Variants in CCDC180 observed in about 807,000 individuals in gnomAD.
CCDC180 encodes coiled-coil domain-containing protein 180.
A neutral mutation model predicts 209.2 loss-of-function variants in CCDC180; 154 were observed. The observed-to-expected ratio is 0.74, with a 90% CI of 0.65 to 0.84. The LOEUF (loss-of-function observed/expected upper bound fraction) is 0.84. Ranked by LOEUF, CCDC180 falls within the 40% of genes least tolerant of loss-of-function variation. The pLI, the probability that CCDC180 is intolerant of heterozygous loss-of-function variation, is 0.00. For missense variants in CCDC180, 1,874 were observed against 1,997.3 expected (o/e 0.94, Z 1.18); for synonymous variants, 778 against 749.1 (o/e 1.04, Z -0.63).
chr9:97,357,592 C>A, intron 24 of CCDC180, 35 bp from the exon 25 acceptor site: 2 of 1,415,568 alleles, frequency 1.4e-6, no homozygotes, highest in South Asian at 2.3e-5. Context: ...AATATGTATT[C>A]TAGAAACAAA....
chr9:97,334,396 A>G (rs1825841254), intron 18 of CCDC180, among the ~76,000 whole-genome samples: 1 of 152,210 alleles, frequency 6.6e-6, no homozygotes, highest in Non-Finnish European at 1.5e-5. Flanking sequence ...TACTACATTT[A>G]TCCTCATTGT....
intron 26 of CCDC180, 59 bp downstream of exon 26, chr9:97,360,160 G>A (rs1319708524): frequency 1.3e-6 from 2 of 1,593,230 alleles, no homozygotes; most frequent in African/African-American, 1.3e-5. Flanking sequence ...GGGCTCCCAG[G>A]AGACCTGCAG....
Position 97,330,373 on chromosome 9 carries a change from A to G in CCDC180, c.1880A>G (p.Gln627Arg). Reference protein sequence around the residue: ...QKRVKKLRKKQGSKEDMTRSE... With the variant: ...QKRVKKLRKKRGSKEDMTRSE... ...AGAGTGAAAAAACTGAGGAAGAAGC[A>G]AGGGTCTAAAGAGGACATGACCAGA... The change falls in exon 18 of 37, where the codon CAA (glutamine) becomes CGA (arginine). Residue 627 changes from glutamine (Q) to arginine (R), a missense_variant. Physicochemically the swap from Gln to Arg is conservative, Grantham distance 43. Coordinates refer to ENST00000529487, the MANE Select transcript of CCDC180 (RefSeq NM_020893.6). The G allele has an allele frequency of 3.7e-6, 6 of 1,614,164 alleles. No homozygotes were observed. The highest frequency in any genetic ancestry group is 5.1e-6 in the Non-Finnish European group (6 of 1,180,022).
intron 4 of CCDC180, 25 bp downstream of exon 4, chr9:97,312,226 C>G (rs565765340): frequency 6.2e-7 from 1 of 1,602,614 alleles, no homozygotes; most frequent in South Asian, 1.1e-5. Context: ...AGCCTCAAGG[C>G]AGGCCTGTCC....
Position 97,376,952 on chromosome 9 carries a change from A to G in CCDC180, c.*58A>G, listed in dbSNP as rs1295505721. 35 of 1,555,602 alleles carry G rather than the reference A, an allele frequency of 2.2e-5. No homozygotes were observed. Among genetic ancestry groups the G allele is most frequent in the Non-Finnish European group, 2.8e-5 (32 of 1,150,082 alleles). ...ATACAGACTCCTTCCCTGTCCATCTACCTGCCTACCTACTTTCCGTCCATC... is the reference window on the plus strand; with the variant it reads ...ATACAGACTCCTTCCCTGTCCATCTGCCTGCCTACCTACTTTCCGTCCATC... On this transcript the variant is annotated 3_prime_UTR_variant, in exon 37 of 37. Transcript: ENST00000529487.
At position 97,366,396 on chromosome 9, in the gene CCDC180, C is replaced by T. The variant is rs1381289086; in HGVS notation, c.4048-163C>T. ...TCCAGGTGGGCCCAGGGAGGCGACACGGGCAGACAGGGAAGGAGGAGTGTC... is the reference window on the plus strand; with the variant it reads ...TCCAGGTGGGCCCAGGGAGGCGACATGGGCAGACAGGGAAGGAGGAGTGTC... On this transcript the variant is annotated intron_variant, in intron 30 of 36. Transcript: ENST00000529487. The surrounding 1 kb of genome is among the most constrained non-coding windows in gnomAD (Gnocchi z 4.3). 3.9e-5 allele frequency among the ~76,000 whole-genome samples: 6 copies of T among 152,160 alleles called. No individual in the cohort carries two copies. The highest frequency in any genetic ancestry group is 6.5e-5 in the Admixed American group (1 of 15,276).
At position 97,311,200 on chromosome 9, in the gene CCDC180, G is replaced by A. The variant is rs542605556; in HGVS notation, c.261-913G>A. Among the ~76,000 whole-genome samples the A allele has an allele frequency of 5.3e-5, 8 of 152,322 alleles. No individual in the cohort carries two copies. The South Asian group carries it at 1.7e-3, about 32-fold the overall frequency. ...ATAAACCAAGCCCCAAGTCCCTGGAGCAAGTGACCAAGAAGCTGGAGTTGA... is the reference window on the plus strand; with the variant it reads ...ATAAACCAAGCCCCAAGTCCCTGGAACAAGTGACCAAGAAGCTGGAGTTGA... On this transcript the variant is annotated intron_variant, in intron 3 of 36. Coordinates refer to ENST00000529487, the MANE Select transcript of CCDC180 (RefSeq NM_020893.6).
chr9:97,371,717 C>T lies in CCDC180; in HGVS notation c.4600+11C>T, dbSNP rs1827106641. 6.4e-7 allele frequency: 1 copy of T among 1,560,016 alleles called. No individual in the cohort carries two copies. Among genetic ancestry groups the T allele is most frequent in the African/African-American group, 1.3e-5 (1 of 74,158 alleles). ...ATGTCCAGGTTGCAAGTAAGAGGCA[C>T]CACCAGCCTTGTGTCATGGCCCTGG... On this transcript the variant is annotated intron_variant, in intron 34 of 36. Transcript: ENST00000529487.
At chr9:97,357,884 G>A in intron 25 of CCDC180, 159 bp downstream of exon 25, 1 of 562,908 alleles carries the variant, frequency 1.8e-6, no homozygotes, top group South Asian at 2.6e-5. Flanking sequence ...CCTGTTTCAT[G>A]GAATGAAGAA....
At chr9:97,364,893 G>T (rs189324654) in intron 29 of CCDC180, among the ~76,000 whole-genome samples, 5 of 152,164 alleles carry the variant, frequency 3.3e-5, no homozygotes, top group Non-Finnish European at 5.9e-5. Context: ...GGCACTGCCC[G>T]GTACAGGCAC....
At chr9:97,352,391 G>T (rs1344597943) in intron 22 of CCDC180, among the ~76,000 whole-genome samples, 1 of 152,164 alleles carries the variant, frequency 6.6e-6, no homozygotes, top group Non-Finnish European at 1.5e-5. Context: ...GGCTCTGGGT[G>T]TGGTGTCAAC....
Position 97,369,918 on chromosome 9 carries a change from G to A in CCDC180, c.4190-4G>A, listed in dbSNP as rs1386364206. On this transcript the variant is annotated splice_polypyrimidine_tract_variant and splice_region_variant and intron_variant, in intron 31 of 36. Transcript: ENST00000529487. ...CCTTGGCCTCTTACCCGCACTTCTG[G>A]CAGAATTACGGATCCAGATCAGGAG... 1 of 1,613,886 alleles carries A rather than the reference G, an allele frequency of 6.2e-7. No homozygotes were observed. The highest frequency in any genetic ancestry group is 1.3e-5 in the African/African-American group (1 of 74,898).
intron 13 of CCDC180, 58 bp downstream of exon 13, chr9:97,323,961 T>C (rs1209225360): frequency 6.5e-7 from 1 of 1,536,616 alleles, no homozygotes; most frequent in Non-Finnish European, 8.8e-7. Flanking sequence ...GTCCCCGGGG[T>C]TGCTGGGCTG....
intron 11 of CCDC180, among the ~76,000 whole-genome samples, chr9:97,322,309 G>A (rs912505548): frequency 6.6e-6 from 1 of 152,162 alleles, no homozygotes; most frequent in African/African-American, 2.4e-5. Context: ...AAATCTCTGT[G>A]TGGTCTTTCA....
intron 13 of CCDC180, 32 bp from the exon 14 acceptor site, chr9:97,324,986 CT>C (rs768587071): frequency 5.6e-6 from 9 of 1,600,720 alleles, no homozygotes; most frequent in Non-Finnish European, 7.7e-6. Flanking sequence ...ACTGTCAGCC[CT>C]TAAGTCCCTT....
rs1318530635 is a variant in CCDC180 at position 97,314,894 on chromosome 9, C to G, written c.743C>G (p.Thr248Ser). 1.3e-5 allele frequency: 21 copies of G among 1,614,072 alleles called. No homozygotes were observed. The highest frequency in any genetic ancestry group is 1.8e-5 in the Non-Finnish European group (21 of 1,180,042). Residue 248 changes from threonine to serine, a missense_variant, in exon 8 of 37, where the codon ACT becomes AGT. Physicochemically the swap from Thr to Ser is moderately conservative, Grantham distance 58. Transcript: ENST00000529487. Reference protein sequence around the residue: ...LKKYAEVIEKTSYLMRPEVYR... With the variant: ...LKKYAEVIEKSSYLMRPEVYR... ...AAATATGCAGAAGTCATAGAGAAAA[C>G]TTCCTACCTCATGCGGCCCGAAGTG...
At position 97,366,631 on chromosome 9, in the gene CCDC180, G is replaced by A. The variant is rs988355859; in HGVS notation, c.4120G>A (p.Glu1374Lys). 11 of 1,614,038 alleles carry A rather than the reference G, an allele frequency of 6.8e-6. No homozygotes were observed. Among genetic ancestry groups the A allele is most frequent in the South Asian group, 1.1e-5 (1 of 91,084 alleles). Residue 1374 changes from glutamate to lysine, a missense_variant, in exon 31 of 37, where the codon GAG becomes AAG. Transcript: ENST00000529487. This position sits in a 1 kb window ranked among gnomAD's most constrained non-coding sequence, Gnocchi z 4.3. ...CMCDTFDQCA[E>K]NISKKILEYQ... ...GTGTGACACCTTTGACCAGTGCGCC[G>A]AGAACATTAGCAAAAAGATCCTGGA... is the stretch of plus-strand genomic sequence containing the variant.
At chr9:97,334,602 A>G (rs1039215885) in intron 18 of CCDC180, among the ~76,000 whole-genome samples, 1 of 152,180 alleles carries the variant, frequency 6.6e-6, no homozygotes, top group African/African-American at 2.4e-5. Flanking sequence ...CTTTAGGGCT[A>G]TGTATGTCCT....
chr9:97,371,544 T>G, intron 33 of CCDC180, 51 bp from the exon 34 acceptor site: 1 of 1,238,108 alleles, frequency 8.1e-7, no homozygotes, highest in Non-Finnish European at 1.2e-6. Flanking sequence ...CAGCTGGCCT[T>G]GGAGGGATGA....
Sources: gnomAD v4.1 joint callset for allele counts (sites outside exome capture counted in the v4.1 genomes callset) on GRCh38, gnomAD v4.1.1 for gene constraint, Gnocchi (gnomAD v3.1) non-coding constraint, MANE v1.5 for transcripts, NCBI Gene and HGNC (gene_info 2026-07-23, HGNC 2026-07-21) for gene names.